Variants in LYRM4 observed in about 807,000 individuals in gnomAD.
The protein encoded by LYRM4 is LYR motif containing 4.
In LYRM4, 9 loss-of-function variants were observed where a neutral mutation model predicts 11.7. That is an observed-to-expected ratio of 0.77 (90% CI 0.46 to 1.34). The LOEUF is 1.34. LYRM4 is among the 40% of genes most tolerant of loss of function. The pLI is 0.00. For missense variants in LYRM4, 133 were observed against 112.5 expected (o/e 1.18, Z -0.82); for synonymous variants, 42 against 40.4 (o/e 1.04, Z -0.15).
the LYRM4 span, among the ~76,000 whole-genome samples, chr6:5,067,430 G>A: frequency 6.6e-6 from 1 of 152,236 alleles, no homozygotes; most frequent in Non-Finnish European, 1.5e-5. Flanking sequence ...CCGCTTCCAA[G>A]GAGGTTAACT....
rs144766448 is a variant in LYRM4 at position 5,147,079 on chromosome 6, G to A, written c.208-37588C>T. Among the ~76,000 whole-genome samples, 778 of 152,266 alleles carry A rather than the reference G, an allele frequency of 5.1e-3. 7 individuals carry two copies. Among genetic ancestry groups the A allele is most frequent in the African/African-American group, 0.018 (741 of 41,538 alleles). ...CCCCAGTGGCCTGCTGGAAGCCATT[G>A]GTACCAGGCCATTGGTATTACTTGA... On this transcript the variant is annotated intron_variant, in intron 2 of 2. Coordinates refer to ENST00000330636, the MANE Select transcript of LYRM4 (RefSeq NM_020408.6).
intron 2 of LYRM4, among the ~76,000 whole-genome samples, chr6:5,165,840 G>A (rs1759057400): frequency 6.6e-6 from 1 of 152,126 alleles, no homozygotes. Flanking sequence ...ACCGCGCCCG[G>A]CCACAAATGC....
At chr6:5,195,122 A>C (rs2127696809) in intron 2 of LYRM4, among the ~76,000 whole-genome samples, 1 of 152,344 alleles carries the variant, frequency 6.6e-6, no homozygotes, top group East Asian at 1.9e-4. Flanking sequence ...GAAAATTCTA[A>C]GTAGAAGTCC....
intron 1 of LYRM4, among the ~76,000 whole-genome samples, chr6:5,226,438 G>GC (rs1762896970): frequency 6.6e-6 from 1 of 152,206 alleles, no homozygotes. Flanking sequence ...AGGCTGGAGT[G>GC]CAATGGCGCA....
chr6:5,104,090 T>C (rs890069716), downstream of LYRM4: 7 of 152,192 alleles, frequency 4.6e-5, no homozygotes, highest in Non-Finnish European at 8.8e-5. Flanking sequence ...AGGCAGCCAA[T>C]ATATAGAGCA....
chr6:5,216,520 T>C, intron 2 of LYRM4, 98 bp downstream of exon 2: 1 of 1,400,462 alleles, frequency 7.1e-7, no homozygotes, highest in Non-Finnish European at 1.0e-6. Context: ...TCCTGCTCTG[T>C]AAATCACCAA....
At chr6:5,240,093 T>A (rs1763789863) in intron 1 of LYRM4, among the ~76,000 whole-genome samples, 1 of 152,100 alleles carries the variant, frequency 6.6e-6, no homozygotes, top group Non-Finnish European at 1.5e-5. Context: ...TTCGAAGACA[T>A]CACCTTTCAG....
At position 5,123,381 on chromosome 6, in the gene LYRM4, C is replaced by T. The variant is rs115985445; in HGVS notation, c.208-13890G>A. On this transcript the variant is annotated intron_variant, in intron 2 of 2. Coordinates refer to ENST00000330636, the MANE Select transcript of LYRM4 (RefSeq NM_020408.6). The stretch of plus-strand genomic sequence containing the variant: ...GGGACAGGGGGCGGTGAGCAGGGAA[C>T]AAGCAGTGCCCTGGTTAACGTGACT... Among the ~76,000 whole-genome samples, 515 of 152,318 alleles carry T rather than the reference C, an allele frequency of 3.4e-3. 5 individuals carry two copies. Among genetic ancestry groups the T allele is most frequent in the African/African-American group, 0.012 (482 of 41,572 alleles).
intron 1 of LYRM4, among the ~76,000 whole-genome samples, chr6:5,219,430 A>G (rs999091656): frequency 5.9e-5 from 9 of 152,216 alleles, no homozygotes; most frequent in Non-Finnish European, 1.2e-4. Context: ...TTCGAGATGA[A>G]TGCTGTAATG....
chr6:5,222,344 T>C (rs556893206), intron 1 of LYRM4, among the ~76,000 whole-genome samples: 1 of 152,342 alleles, frequency 6.6e-6, no homozygotes, highest in South Asian at 2.1e-4. Flanking sequence ...AAACAACTTT[T>C]AGAAGGCAAT....
At chr6:5,074,094 C>T in the LYRM4 span, among the ~76,000 whole-genome samples, 1 of 152,272 alleles carries the variant, frequency 6.6e-6, no homozygotes, top group Admixed American at 6.5e-5. Context: ...AATTCACCTG[C>T]CCCCCATCTG....
At chr6:5,090,015 GACACACAC>G in the LYRM4 span, among the ~76,000 whole-genome samples, 3 of 149,628 alleles carry the variant, frequency 2.0e-5, no homozygotes, top group African/African-American at 2.5e-5. This position sits in a 1 kb window ranked among gnomAD's most constrained non-coding sequence, Gnocchi z 4.8. Flanking sequence ...CTGAAAGGAA[GACACACAC>G]ACACACACAC....
At chr6:5,144,262 C>A (rs1757574202) in intron 2 of LYRM4, 1 of 1,537,068 alleles carries the variant, frequency 6.5e-7, no homozygotes, top group Non-Finnish European at 8.7e-7. Context: ...TGCTCAGCTA[C>A]CTGCACTGAG....
At chr6:5,144,624 C>CAAAAAAAAAAAAAAA (rs71540849) in intron 2 of LYRM4, among the ~76,000 whole-genome samples, 1 of 37,600 alleles carries the variant, frequency 2.7e-5, no homozygotes, top group Non-Finnish European at 4.8e-5. Flanking sequence ...GACTCCGTCT[C>CAAAAAAAAAAAAAAA]AAAAAAAAAA....
chr6:5,130,933 C>T (rs1196835409), intron 2 of LYRM4, among the ~76,000 whole-genome samples: 1 of 151,936 alleles, frequency 6.6e-6, no homozygotes, highest in Non-Finnish European at 1.5e-5. Context: ...AGAGAACCAA[C>T]TAAAATACAT....
At chr6:5,116,282 T>C (rs949231209) in intron 2 of LYRM4, among the ~76,000 whole-genome samples, 1 of 152,164 alleles carries the variant, frequency 6.6e-6, no homozygotes, top group African/African-American at 2.4e-5. Context: ...TGATTTAAAT[T>C]TGGCCCAGCA....
the LYRM4 span, among the ~76,000 whole-genome samples, chr6:5,041,588 C>T: frequency 2.0e-5 from 3 of 152,330 alleles, no homozygotes; most frequent in East Asian, 5.8e-4. Flanking sequence ...CATGTTTCGT[C>T]TTTCACCATC....
intron 2 of LYRM4, among the ~76,000 whole-genome samples, chr6:5,205,248 G>A (rs943183385): frequency 1.3e-5 from 2 of 150,488 alleles, no homozygotes; most frequent in Non-Finnish European, 2.9e-5. Flanking sequence ...GGTCACTGAA[G>A]GCCTTCCCTA....
the LYRM4 span, among the ~76,000 whole-genome samples, chr6:5,039,387 T>G: frequency 6.6e-6 from 1 of 152,302 alleles, no homozygotes; most frequent in Non-Finnish European, 1.5e-5. Flanking sequence ...TCATGAAAGT[T>G]AAATAGTATG....
Sources: allele counts gnomAD v4.1 joint callset (sites outside exome capture counted in the v4.1 genomes callset), GRCh38; gene constraint gnomAD v4.1.1; non-coding constraint Gnocchi (gnomAD v3.1); transcripts MANE v1.5; gene names NCBI Gene and HGNC (gene_info 2026-07-23, HGNC 2026-07-21).